The following ZBTB40 variants were observed in gnomAD, a reference collection of about 807,000 sequenced individuals.
ZBTB40 encodes the protein zinc finger and BTB domain-containing protein 40.
In ZBTB40, 60 loss-of-function variants were observed where a neutral mutation model predicts 117.5. That is an observed-to-expected ratio of 0.51 (90% CI 0.41 to 0.63). The LOEUF is 0.63. Ranked by LOEUF, ZBTB40 falls within the 30% of genes least tolerant of loss-of-function variation. The pLI is 0.00. For synonymous variants in ZBTB40, 525 were observed against 577.1 expected (o/e 0.91, Z 1.29); for missense variants, 1,287 against 1,498.5 (o/e 0.86, Z 2.33).
chr1:22,452,317 T>C (rs889075758), intron 1 of ZBTB40, among the ~76,000 whole-genome samples: 3 of 152,170 alleles, frequency 2.0e-5, no homozygotes, highest in African/African-American at 7.2e-5. Flanking sequence ...TCCGGAGGCC[T>C]CTTGTCGCTG....
Position 22,520,155 on chromosome 1 carries a change from G to T in ZBTB40, c.2928G>T (p.Glu976Asp). 1 of 1,614,194 alleles carries T rather than the reference G, an allele frequency of 6.2e-7. No homozygotes were observed. Among genetic ancestry groups the T allele is most frequent in the Non-Finnish European group, 8.5e-7 (1 of 1,180,040 alleles). Residue 976 changes from glutamate to aspartate, a missense_variant, in exon 14 of 18, where the codon GAG becomes GAT. Glu to Asp is a conservative substitution (Grantham distance 45). Around this residue, in one of 2 missense-constraint regions of ZBTB40, gnomAD observed 417 missense variants for 564.1 expected, o/e 0.74. Transcript: ENST00000375647. Reference protein sequence around the residue: ...RKHIHEVHSKEYHPCPTCGKI... With the variant: ...RKHIHEVHSKDYHPCPTCGKI... Reference sequence around the variant, plus strand: ...ACATCCATGAGGTGCACTCCAAAGAGTACCACCCCTGCCCCACGTGTGGGA... The same window carrying T: ...ACATCCATGAGGTGCACTCCAAAGATTACCACCCCTGCCCCACGTGTGGGA...
chr1:22,512,491 A>G (rs964001728), intron 11 of ZBTB40, among the ~76,000 whole-genome samples: 2 of 152,234 alleles, frequency 1.3e-5, no homozygotes, highest in African/African-American at 4.8e-5. Flanking sequence ...TACCTGGCTC[A>G]TGTTTCCATG....
intron 1 of ZBTB40, among the ~76,000 whole-genome samples, chr1:22,474,030 C>G (rs1026659657): frequency 1.3e-5 from 2 of 152,130 alleles, no homozygotes; most frequent in African/African-American, 2.4e-5. Flanking sequence ...TACTTGATAT[C>G]TACAACAGAG....
Position 22,513,252 on chromosome 1 carries a change from T to A in ZBTB40, c.2668+122T>A. ...CAATTTGATAGCACAACAGGGTGAC[T>A]AAAGTCAATAATAACTTAATTGTAC... On this transcript the variant is annotated intron_variant, in intron 12 of 17. Coordinates refer to ENST00000375647, the MANE Select transcript of ZBTB40 (RefSeq NM_014870.4). This position sits in a 1 kb window ranked among gnomAD's most constrained non-coding sequence, Gnocchi z 4.9. 9.8e-7 allele frequency: 1 copy of A among 1,016,590 alleles called. No individual in the cohort carries two copies. The highest frequency in any genetic ancestry group is 1.5e-6 in the Non-Finnish European group (1 of 673,896). 63.0% of individuals were successfully genotyped at this position (1,016,590 alleles called of 1,614,324 possible). A position where few individuals can be genotyped will look rare whatever the true frequency, so the allele number is the denominator to read the frequency against.
intron 9 of ZBTB40, 32 bp downstream of exon 9, chr1:22,509,265 G>C: frequency 5.0e-6 from 8 of 1,613,900 alleles, no homozygotes; most frequent in Non-Finnish European, 5.9e-6. Context: ...AAATGCCAGA[G>C]AGTTTTACAG....
chr1:22,474,953 A>AAC (rs1358669965), intron 1 of ZBTB40, among the ~76,000 whole-genome samples: 3 of 151,954 alleles, frequency 2.0e-5, no homozygotes, highest in East Asian at 1.9e-4. Flanking sequence ...TAAAAAAAAA[A>AAC]AAAACAGGTA....
upstream of ZBTB40, among the ~76,000 whole-genome samples, chr1:22,448,593 A>G (rs1252866331): frequency 1.3e-5 from 2 of 152,188 alleles, no homozygotes; most frequent in Non-Finnish European, 2.9e-5. Context: ...TCTACTATTT[A>G]GTAGCTGTGT....
chr1:22,522,252 C>A, intron 15 of ZBTB40, 125 bp from the exon 16 acceptor site: 1 of 884,736 alleles, frequency 1.1e-6, no homozygotes, highest in Non-Finnish European at 1.9e-6. Context: ...TTATAAGATT[C>A]CTGGCACTTG....
intron 1 of ZBTB40, among the ~76,000 whole-genome samples, chr1:22,475,858 A>G (rs1258190246): frequency 1.3e-5 from 2 of 152,168 alleles, no homozygotes; most frequent in African/African-American, 4.8e-5. Context: ...CAAATAGTTA[A>G]TTATTTATGT....
At chr1:22,504,585 A>G (rs1317981863) in intron 5 of ZBTB40, among the ~76,000 whole-genome samples, 1 of 152,236 alleles carries the variant, frequency 6.6e-6, no homozygotes, top group Non-Finnish European at 1.5e-5. Context: ...CTTAACCCCT[A>G]TGAGTACTTC....
intron 1 of ZBTB40, among the ~76,000 whole-genome samples, chr1:22,459,928 A>G (rs1641091664): frequency 6.6e-6 from 1 of 152,046 alleles, no homozygotes; most frequent in Non-Finnish European, 1.5e-5. Flanking sequence ...CTTCTTTTTC[A>G]GTTTATTAGA....
intron 1 of ZBTB40, among the ~76,000 whole-genome samples, chr1:22,478,358 C>T (rs1169569680): frequency 6.6e-6 from 1 of 152,208 alleles, no homozygotes; most frequent in African/African-American, 2.4e-5. Flanking sequence ...CGCCTTTCTC[C>T]TGTCTCAGCC....
At chr1:22,466,593 A>G (rs1641261274) in intron 1 of ZBTB40, among the ~76,000 whole-genome samples, 2 of 152,032 alleles carry the variant, frequency 1.3e-5, no homozygotes, top group Admixed American at 1.3e-4. Flanking sequence ...TCCTAGTGTT[A>G]TGTGAAGTTG....
At chr1:22,473,508 A>ATT (rs1641463152) in intron 1 of ZBTB40, among the ~76,000 whole-genome samples, 1 of 152,228 alleles carries the variant, frequency 6.6e-6, no homozygotes, top group Non-Finnish European at 1.5e-5. Flanking sequence ...AGGTACTTAA[A>ATT]TATCAGTAGC....
chr1:22,460,358 T>C (rs1240751834), intron 1 of ZBTB40, among the ~76,000 whole-genome samples: 1 of 152,198 alleles, frequency 6.6e-6, no homozygotes, highest in East Asian at 1.9e-4. Context: ...CAAAACTTTT[T>C]TAAAAGTTCT....
Position 22,489,990 on chromosome 1 carries a change from G to A in ZBTB40, c.42G>A (p.Leu14=). 6.2e-7 allele frequency: 1 copy of A among 1,613,532 alleles called. No individual in the cohort carries two copies. Among genetic ancestry groups the A allele is most frequent in the East Asian group, 2.2e-5 (1 of 44,866 alleles). The change falls in exon 2 of 18, where the codon CTG becomes CTA. Residue 14 remains leucine, a synonymous_variant. Transcript: ENST00000375647. ...PNYSRQLLQQ[L]YTLCKEQQFC... ...ACAGCCGGCAGCTGCTGCAGCAGCT[G>A]TACACTCTGTGCAAGGAGCAGCAGT...
chr1:22,457,523 TGC>T (rs1291094472), intron 1 of ZBTB40, among the ~76,000 whole-genome samples: 1 of 152,230 alleles, frequency 6.6e-6, no homozygotes, highest in Non-Finnish European at 1.5e-5. Flanking sequence ...TGGAGGCGTT[TGC>T]ATGAGCGACC....
intron 1 of ZBTB40, among the ~76,000 whole-genome samples, chr1:22,444,232 C>G (rs769482614): frequency 4.6e-5 from 7 of 151,810 alleles, no homozygotes; most frequent in African/African-American, 1.7e-4. Context: ...GGCAAACATG[C>G]GAAAACTCAT....
At chr1:22,508,766 C>G in intron 8 of ZBTB40, 35 bp downstream of exon 8, 2 of 1,598,530 alleles carry the variant, frequency 1.3e-6, no homozygotes, top group South Asian at 2.2e-5. Flanking sequence ...GTTTTGCCCC[C>G]ACTAGAGATG....
Sources: gnomAD v4.1 joint callset for allele counts (sites outside exome capture counted in the v4.1 genomes callset) on GRCh38, gnomAD v4.1.1 for gene constraint, gnomAD v4.1.1 regional missense constraint, Gnocchi (gnomAD v3.1) non-coding constraint, MANE v1.5 for transcripts, NCBI Gene and HGNC (gene_info 2026-07-23, HGNC 2026-07-21) for gene names.